PLCL2: variants seen among roughly 807,000 people sequenced by gnomAD.
PLCL2 encodes the protein inactive phospholipase C-like protein 2.
Under a neutral mutation model 79.6 loss-of-function variants are expected in PLCL2, and 4 were observed. The ratio of observed to expected loss-of-function variants is 0.05; its 90% CI spans 0.02 to 0.11. PLCL2 has a LOEUF of 0.11. PLCL2 is among the 10% of genes least tolerant of loss of function. The probability of loss-of-function intolerance (pLI) is 1.00; values close to 1 mark genes in which losing one functional copy is unlikely to be tolerated. For synonymous variants in PLCL2, 484 were observed against 457.7 expected, an observed-to-expected ratio of 1.06 and a Z score of -0.73; for missense variants, 895 against 1,291.0, an observed-to-expected ratio of 0.69 and a Z score of 4.70.
intron 1 of PLCL2, among the ~76,000 whole-genome samples, chr3:16,967,072 T>C (rs1349935643): frequency 6.6e-6 from 1 of 152,146 alleles, no homozygotes; most frequent in South Asian, 2.1e-4. Flanking sequence ...TCTGGCTCCA[T>C]TTATGTTGCT....
intron 4 of PLCL2, among the ~76,000 whole-genome samples, chr3:17,065,789 G>A (rs2065003653): frequency 6.6e-6 from 1 of 152,058 alleles, no homozygotes. Flanking sequence ...TTCTTTTCCT[G>A]TTCATCTTGC....
chr3:17,013,779 T>A (rs982791438), intron 2 of PLCL2, among the ~76,000 whole-genome samples: 1 of 152,210 alleles, frequency 6.6e-6, no homozygotes, highest in African/African-American at 2.4e-5. Flanking sequence ...CACCTGACTC[T>A]TATTATGATT....
intron 1 of PLCL2, among the ~76,000 whole-genome samples, chr3:16,964,990 A>C (rs1052335261): frequency 3.9e-5 from 6 of 152,018 alleles, no homozygotes; most frequent in African/African-American, 1.4e-4. Flanking sequence ...CTCTGATGGT[A>C]GTTTCTTTTG....
intron 1 of PLCL2, among the ~76,000 whole-genome samples, chr3:16,906,981 A>G (rs1696766785): frequency 6.6e-6 from 1 of 152,188 alleles, no homozygotes; most frequent in Non-Finnish European, 1.5e-5. Context: ...AGTTTAAGAG[A>G]TCATTCTTAT....
chr3:17,008,829 A>G (rs1258960464), intron 1 of PLCL2, among the ~76,000 whole-genome samples: 3 of 151,766 alleles, frequency 2.0e-5, no homozygotes, highest in African/African-American at 4.8e-5. Context: ...CTTTCTTTCT[A>G]TTTTTTGAGA....
intron 1 of PLCL2, among the ~76,000 whole-genome samples, chr3:16,987,264 C>G (rs1414904687): frequency 2.0e-5 from 3 of 152,032 alleles, no homozygotes; most frequent in African/African-American, 7.3e-5. Flanking sequence ...CCCACATTTG[C>G]TGAAATTCAG....
intron 1 of PLCL2, among the ~76,000 whole-genome samples, chr3:16,913,118 G>C (rs1239197927): frequency 2.0e-5 from 3 of 151,870 alleles, no homozygotes; most frequent in Non-Finnish European, 4.4e-5. Flanking sequence ...CTTCCTCTTG[G>C]TTTCCAGGAC....
intron 1 of PLCL2, among the ~76,000 whole-genome samples, chr3:16,911,366 G>T (rs1356085421): frequency 2.6e-5 from 4 of 151,254 alleles, no homozygotes; most frequent in African/African-American, 9.7e-5. Context: ...TTTTATATTT[G>T]CAAAGTTATT....
At chr3:17,034,825 A>G (rs1337740251) in intron 3 of PLCL2, among the ~76,000 whole-genome samples, 2 of 152,166 alleles carry the variant, frequency 1.3e-5, no homozygotes, top group Non-Finnish European at 2.9e-5. Context: ...GTCCATGTTA[A>G]GAGAAGACTT....
At chr3:16,954,642 A>G (rs1304259333) in intron 1 of PLCL2, among the ~76,000 whole-genome samples, 2 of 152,150 alleles carry the variant, frequency 1.3e-5, no homozygotes, top group East Asian at 3.8e-4. Flanking sequence ...CAGTCCCACC[A>G]ACAGTGTAAA....
chr3:17,074,802 G>A (rs76328502), intron 5 of PLCL2, among the ~76,000 whole-genome samples: 3 of 152,202 alleles, frequency 2.0e-5, no homozygotes, highest in African/African-American at 7.2e-5. Flanking sequence ...CCTCCAGCTT[G>A]TCTTCTGCAA....
chr3:16,908,427 A>G (rs962898012), intron 1 of PLCL2, among the ~76,000 whole-genome samples: 1 of 152,258 alleles, frequency 6.6e-6, no homozygotes, highest in African/African-American at 2.4e-5. Context: ...GGTCCAGTTA[A>G]GATCCCATAC....
At chr3:16,898,834 A>C (rs1243135749) in intron 1 of PLCL2, among the ~76,000 whole-genome samples, 4 of 152,118 alleles carry the variant, frequency 2.6e-5, no homozygotes, top group Non-Finnish European at 4.4e-5. Flanking sequence ...TTTCCACACC[A>C]GGTCACACAT....
At chr3:17,017,921 AC>A (rs1264629492) in intron 3 of PLCL2, among the ~76,000 whole-genome samples, 67 of 152,280 alleles carry the variant, frequency 4.4e-4, no homozygotes, top group African/African-American at 1.6e-3. Context: ...ATTACTACCA[AC>A]AAACAGGCCT....
intron 5 of PLCL2, among the ~76,000 whole-genome samples, chr3:17,088,968 G>A (rs935156691): frequency 2.0e-5 from 3 of 152,242 alleles, no homozygotes; most frequent in African/African-American, 4.8e-5. Flanking sequence ...TATATCCAAA[G>A]TAGAAAATCC....
chr3:16,896,308 TG>T (rs762948215), intron 1 of PLCL2, among the ~76,000 whole-genome samples: 2 of 149,588 alleles, frequency 1.3e-5, no homozygotes, highest in Non-Finnish European at 3.0e-5. Context: ...GGAGAGGGGG[TG>T]GGTGGAGAGA....
chr3:16,894,863 G>C (rs1055555301), intron 1 of PLCL2, among the ~76,000 whole-genome samples: 2 of 150,822 alleles, frequency 1.3e-5, no homozygotes, highest in Non-Finnish European at 3.0e-5. Flanking sequence ...TGTCTTTTGT[G>C]ATATATATAT....
intron 1 of PLCL2, among the ~76,000 whole-genome samples, chr3:16,973,050 A>C (rs1258677306): frequency 6.6e-6 from 1 of 151,986 alleles, no homozygotes; most frequent in Admixed American, 6.6e-5. Flanking sequence ...TATTATGCAG[A>C]CTCGGTTGCG....
chr3:17,058,405 G>A (rs2064912829), intron 4 of PLCL2, among the ~76,000 whole-genome samples: 2 of 152,282 alleles, frequency 1.3e-5, no homozygotes, highest in Admixed American at 6.5e-5. Context: ...TGAAGGTTGT[G>A]CTAACTACTT....
Sources: gnomAD v4.1 joint callset for allele counts (sites outside exome capture counted in the v4.1 genomes callset) on GRCh38, gnomAD v4.1.1 for gene constraint, MANE v1.5 for transcripts, NCBI Gene and HGNC (gene_info 2026-07-23, HGNC 2026-07-21) for gene names.